The following CDH12 variants were observed in gnomAD, a reference collection of about 807,000 sequenced individuals.
CDH12 encodes cadherin-12.
CDH12 carries 41 observed loss-of-function variants against 74.1 expected under a neutral mutation model. The ratio of observed to expected loss-of-function variants is 0.55; its 90% confidence interval spans 0.43 to 0.72. The LOEUF is 0.72. CDH12 is among the 30% of genes least tolerant of loss of function. The pLI, the probability that CDH12 is intolerant of heterozygous loss-of-function variation, is 0.00. For missense variants in CDH12, 945 were observed against 977.2 expected (o/e 0.97, Z 0.44); for synonymous variants, 399 against 355.0 (o/e 1.12, Z -1.39).
rs143988698 is a variant in CDH12 at position 22,428,273 on chromosome 5, T to G, written c.-427-22922A>C. Among the ~76,000 whole-genome samples the G allele has an allele frequency of 6.4e-3, 981 of 152,100 alleles. 12 individuals carry two copies. The highest frequency in any genetic ancestry group is 0.023 in the African/African-American group (938 of 41,500). ...TTGTGAGCATATGTATATATAGATA[T>G]CATATATCCATTTTTATCTATAGCG... On this transcript the variant is annotated intron_variant, in intron 2 of 14. Transcript: ENST00000382254.
At chr5:22,672,397 T>C (rs1740950585) in intron 1 of CDH12, among the ~76,000 whole-genome samples, 1 of 151,882 alleles carries the variant, frequency 6.6e-6, no homozygotes, top group South Asian at 2.1e-4. Flanking sequence ...GGTAGGATTG[T>C]AAAGAGATGA....
At chr5:21,952,123 C>T (rs1297471664) in intron 6 of CDH12, among the ~76,000 whole-genome samples, 2 of 152,096 alleles carry the variant, frequency 1.3e-5, no homozygotes, top group Non-Finnish European at 2.9e-5. Flanking sequence ...ACTAATAGTT[C>T]CAGAGTTCTT....
intron 1 of CDH12, among the ~76,000 whole-genome samples, chr5:22,610,189 A>G (rs965779803): frequency 5.3e-5 from 8 of 152,194 alleles, no homozygotes; most frequent in African/African-American, 1.9e-4. Flanking sequence ...GATACAGACA[A>G]GCAAAGAAAA....
chr5:22,087,011 A>G (rs915001810), intron 4 of CDH12, among the ~76,000 whole-genome samples: 2 of 152,156 alleles, frequency 1.3e-5, no homozygotes, highest in African/African-American at 2.4e-5. Context: ...ATGCCTCACT[A>G]GTACTTCTTA....
At chr5:21,785,102 G>A (rs1452828047) in intron 10 of CDH12, among the ~76,000 whole-genome samples, 1 of 152,122 alleles carries the variant, frequency 6.6e-6, no homozygotes, top group Non-Finnish European at 1.5e-5. Flanking sequence ...ATAACAGGGT[G>A]ATCTATGAAC....
chr5:22,008,357 G>A (rs1737086902), intron 5 of CDH12, among the ~76,000 whole-genome samples: 1 of 152,114 alleles, frequency 6.6e-6, no homozygotes, highest in East Asian at 1.9e-4. Context: ...AGTCTCCAGA[G>A]TAGCTGGGAT....
At chr5:22,624,428 C>T (rs1303498029) in intron 1 of CDH12, among the ~76,000 whole-genome samples, 7 of 152,098 alleles carry the variant, frequency 4.6e-5, no homozygotes, top group African/African-American at 1.7e-4. Context: ...GGGCTAATAT[C>T]CAGAATCTAC....
At chr5:22,572,625 C>T (rs1471110563) in intron 1 of CDH12, among the ~76,000 whole-genome samples, 1 of 152,014 alleles carries the variant, frequency 6.6e-6, no homozygotes, top group African/African-American at 2.4e-5. Flanking sequence ...AAGTCTCAGG[C>T]TAACATCAAT....
At chr5:22,270,516 A>T (rs2150399837) in intron 3 of CDH12, among the ~76,000 whole-genome samples, 1 of 150,898 alleles carries the variant, frequency 6.6e-6, no homozygotes, top group African/African-American at 2.4e-5. Context: ...AATTGCTTGA[A>T]CTCAGGAGGC....
chr5:22,260,742 A>C (rs1202954437), intron 3 of CDH12, among the ~76,000 whole-genome samples: 1 of 152,068 alleles, frequency 6.6e-6, no homozygotes, highest in Admixed American at 6.6e-5. Flanking sequence ...ATGATCAATT[A>C]GATCAGTGCC....
At chr5:22,485,163 T>C (rs531244189) in intron 2 of CDH12, among the ~76,000 whole-genome samples, 2 of 140,410 alleles carry the variant, frequency 1.4e-5, no homozygotes, top group Non-Finnish European at 3.1e-5. Context: ...AAATTTGGTA[T>C]ACTGCACAAG....
At chr5:22,148,714 TC>T (rs1486223936) in intron 4 of CDH12, among the ~76,000 whole-genome samples, 1 of 152,168 alleles carries the variant, frequency 6.6e-6, no homozygotes, top group African/African-American at 2.4e-5. Context: ...TTCCTTGATT[TC>T]TTGATTAGTT....
chr5:21,829,920 C>T (rs1472672570), intron 8 of CDH12, among the ~76,000 whole-genome samples: 1 of 151,922 alleles, frequency 6.6e-6, no homozygotes, highest in Non-Finnish European at 1.5e-5. Flanking sequence ...TTCTTTGGGC[C>T]TGGTGTGGTG....
intron 5 of CDH12, among the ~76,000 whole-genome samples, chr5:22,012,334 A>T (rs1479469972): frequency 6.6e-6 from 1 of 152,164 alleles, no homozygotes; most frequent in Non-Finnish European, 1.5e-5. Flanking sequence ...TTTAAAAAAA[A>T]CATTACAATA....
At chr5:21,812,910 T>A (rs73054936) in intron 9 of CDH12, among the ~76,000 whole-genome samples, 1,895 of 152,224 alleles carry the variant, frequency 0.012, 40 homozygotes, top group African/African-American at 0.042. Context: ...ATTACAACAC[T>A]GAAAGAAAAT....
At chr5:21,787,810 A>T (rs1019312289) in intron 10 of CDH12, among the ~76,000 whole-genome samples, 2 of 152,220 alleles carry the variant, frequency 1.3e-5, no homozygotes, top group Non-Finnish European at 2.9e-5. Flanking sequence ...GTTAAGGCAC[A>T]CCAAAAGGTC....
chr5:22,063,050 T>A (rs1741303520), intron 5 of CDH12, among the ~76,000 whole-genome samples: 1 of 152,164 alleles, frequency 6.6e-6, no homozygotes, highest in African/African-American at 2.4e-5. Flanking sequence ...TATGTTAGTA[T>A]ATTTTGGTGA....
chr5:22,497,054 A>G (rs1181503845), intron 2 of CDH12, among the ~76,000 whole-genome samples: 1 of 152,206 alleles, frequency 6.6e-6, no homozygotes, highest in Non-Finnish European at 1.5e-5. Context: ...CTAAATGAAC[A>G]TAATGTTAAT....
At chr5:21,880,655 C>A (rs993352779) in intron 6 of CDH12, among the ~76,000 whole-genome samples, 3 of 125,634 alleles carry the variant, frequency 2.4e-5, no homozygotes, top group Admixed American at 9.0e-5. Context: ...TTCTTTCTTT[C>A]TTTCTTTCTT....
Sources: gnomAD v4.1 joint callset for allele counts (sites outside exome capture counted in the v4.1 genomes callset) on GRCh38, gnomAD v4.1.1 for gene constraint, MANE v1.5 for transcripts, NCBI Gene and HGNC (gene_info 2026-07-23, HGNC 2026-07-21) for gene names.